Variants in LRRN3 observed in about 807,000 individuals in gnomAD.
LRRN3 encodes leucine-rich repeat neuronal protein 3.
In LRRN3, 15 loss-of-function variants were observed where a neutral mutation model predicts 40.1. The ratio of observed to expected loss-of-function variants is 0.37; its 90% CI spans 0.25 to 0.58. The LOEUF is 0.58. Ranked by LOEUF, LRRN3 falls within the 20% of genes least tolerant of loss-of-function variation. The probability of loss-of-function intolerance (pLI) is 0.72; values close to 1 mark genes in which losing one functional copy is unlikely to be tolerated. For synonymous variants in LRRN3, 308 were observed against 297.2 expected (o/e 1.04, Z -0.37); for missense variants, 746 against 837.7 (o/e 0.89, Z 1.35).
intron 2 of LRRN3, among the ~76,000 whole-genome samples, chr7:111,111,586 A>C (rs1027913248): frequency 6.6e-6 from 1 of 152,106 alleles, no homozygotes; most frequent in African/African-American, 2.4e-5. Context: ...TAGTAGTCAA[A>C]TATTATAAAC....
At chr7:111,099,230 CATT>C (rs2129579593) in intron 1 of LRRN3, among the ~76,000 whole-genome samples, 1 of 151,770 alleles carries the variant, frequency 6.6e-6, no homozygotes, top group East Asian at 1.9e-4. Context: ...TCTCAAATTT[CATT>C]ATTTATAATA....
Position 111,124,740 on chromosome 7 carries a change from T to C in LRRN3, c.1968T>C (p.Asp656=), listed in dbSNP as rs745621269. The change falls in exon 3 of 3, where the codon GAT becomes GAC. Residue 656 remains aspartate (D), a synonymous_variant. Coordinates refer to ENST00000308478, the MANE Select transcript of LRRN3 (RefSeq NM_001099658.2). ...GCCTCTCTCCAGAAATGAACTGTGA[T>C]GGTGGACACAGCTATGTGAGGAATT... ...ISCLSPEMNC[D]GGHSYVRNYL... is the part of the protein sequence containing the mutation. 1.9e-6 allele frequency: 3 copies of C among 1,613,952 alleles called. No individual in the cohort carries two copies. Among genetic ancestry groups the C allele is most frequent in the South Asian group, 1.1e-5 (1 of 91,080 alleles).
chr7:111,099,274 GAC>G (rs2129579611), intron 1 of LRRN3, among the ~76,000 whole-genome samples: 1 of 151,666 alleles, frequency 6.6e-6, no homozygotes, highest in South Asian at 2.1e-4. Context: ...CCAAATTTTA[GAC>G]ACTTTTTTCC....
chr7:111,123,454 C>A lies in LRRN3; in HGVS notation c.682C>A (p.Pro228Thr), dbSNP rs145004274. 6.2e-6 allele frequency: 10 copies of A among 1,613,316 alleles called. No individual in the cohort carries two copies. In the African/African-American group the frequency reaches 1.3e-4, roughly 22 times the overall value. Reference protein sequence around the residue: ...VIAGINLTEIPDNALVGLENL... With the variant: ...VIAGINLTEITDNALVGLENL... Reference sequence around the variant, plus strand: ...AGCTGGTATAAACCTCACAGAAATACCAGATAACGCCTTGGTTGGACTGGA... The same window carrying A: ...AGCTGGTATAAACCTCACAGAAATAACAGATAACGCCTTGGTTGGACTGGA... The change falls in exon 3 of 3, where the codon CCA becomes ACA. Residue 228 changes from proline (P) to threonine (T), a missense_variant. By Grantham distance (38) the Pro-to-Thr change is conservative (BLOSUM62 -1). Transcript: ENST00000308478. The surrounding 1 kb of genome is among the most constrained non-coding windows in gnomAD (Gnocchi z 6.4).
In LRRN3 at chr7:111,124,794, T is replaced by A. The variant is rs1281650117; in HGVS notation, c.2022T>A (p.Gly674=). ...NYLQKPTFAL[G]ELYPPLINLW... is the part of the protein sequence containing the mutation. ...TACAGAAACCAACCTTTGCATTAGG[T>A]GAGCTTTATCCTCCTCTGATAAATC... The change falls in exon 3 of 3, where the codon GGT becomes GGA. Residue 674 remains glycine, a synonymous_variant. Coordinates refer to ENST00000308478, the MANE Select transcript of LRRN3 (RefSeq NM_001099658.2). 1 of 1,613,490 alleles carries A rather than the reference T, an allele frequency of 6.2e-7. No homozygotes were observed. Among genetic ancestry groups the A allele is most frequent in the Non-Finnish European group, 8.5e-7 (1 of 1,179,848 alleles).
At chr7:111,091,827 A>G (rs1468276778) in intron 1 of LRRN3, among the ~76,000 whole-genome samples, 1 of 151,938 alleles carries the variant, frequency 6.6e-6, no homozygotes, top group East Asian at 1.9e-4. Context: ...GTGGGGGAGA[A>G]GAGAGGAGGA....
chr7:111,111,945 T>G (rs1434040633), intron 2 of LRRN3, among the ~76,000 whole-genome samples: 55 of 123,266 alleles, frequency 4.5e-4, no homozygotes, highest in African/African-American at 1.7e-3. Flanking sequence ...ATAGTTTGTT[T>G]TTTTTTTTTT....
At chr7:111,114,133 T>TAC (rs71151831) in intron 2 of LRRN3, among the ~76,000 whole-genome samples, 9,068 of 146,616 alleles carry the variant, frequency 0.062, 538 homozygotes, top group East Asian at 0.25. Flanking sequence ...CACATAAATC[T>TAC]ACACACACAC....
intron 2 of LRRN3, among the ~76,000 whole-genome samples, chr7:111,115,751 AC>A (rs1483811196): frequency 2.0e-5 from 3 of 152,050 alleles, no homozygotes; most frequent in African/African-American, 7.2e-5. Context: ...CACTGCAGCC[AC>A]CGCCTCCCAG....
intron 2 of LRRN3, among the ~76,000 whole-genome samples, chr7:111,116,762 G>A (rs1004920075): frequency 5.9e-5 from 9 of 152,062 alleles, no homozygotes; most frequent in African/African-American, 2.2e-4. Context: ...TATTATCAAA[G>A]GAAGAGAAAC....
At chr7:111,118,705 A>C (rs756757442) in intron 2 of LRRN3, among the ~76,000 whole-genome samples, 1 of 152,168 alleles carries the variant, frequency 6.6e-6, no homozygotes, top group Non-Finnish European at 1.5e-5. Flanking sequence ...CAAATAGCCC[A>C]TACTAAATAG....
intron 2 of LRRN3, among the ~76,000 whole-genome samples, chr7:111,121,178 C>G (rs1162400453): frequency 6.6e-6 from 1 of 152,152 alleles, no homozygotes; most frequent in African/African-American, 2.4e-5. Flanking sequence ...AAGGACATAT[C>G]CTTCGCCCAC....
chr7:111,108,454 C>T (rs1563250818), intron 2 of LRRN3, among the ~76,000 whole-genome samples: 2 of 152,046 alleles, frequency 1.3e-5, no homozygotes, highest in East Asian at 1.9e-4. Context: ...CCCCACTACA[C>T]TGTGCTATTA....
intron 2 of LRRN3, among the ~76,000 whole-genome samples, chr7:111,112,509 A>G (rs1475130756): frequency 6.6e-6 from 1 of 152,202 alleles, no homozygotes; most frequent in African/African-American, 2.4e-5. Context: ...ACAGCCATAA[A>G]TATGGCCTCC....
chr7:111,106,392 A>G (rs1207916398), intron 2 of LRRN3, among the ~76,000 whole-genome samples: 1 of 151,970 alleles, frequency 6.6e-6, no homozygotes, highest in Non-Finnish European at 1.5e-5. Context: ...CAGCCCTTGA[A>G]ATAATAGAAA....
intron 2 of LRRN3, 106 bp from the exon 3 acceptor site, chr7:111,122,309 T>C (rs1800745823): frequency 6.5e-6 from 1 of 152,786 alleles, no homozygotes; most frequent in Non-Finnish European, 1.5e-5. Context: ...ATATAATTTA[T>C]ACATGAAATA....
chr7:111,105,091 T>C (rs1798395959), intron 2 of LRRN3, among the ~76,000 whole-genome samples: 1 of 151,774 alleles, frequency 6.6e-6, no homozygotes, highest in South Asian at 2.1e-4. Context: ...TTACTAAAGG[T>C]CTCATTGAGA....
intron 2 of LRRN3, among the ~76,000 whole-genome samples, chr7:111,106,610 G>A (rs979725558): frequency 6.6e-6 from 1 of 150,594 alleles, no homozygotes; most frequent in Non-Finnish European, 1.5e-5. Context: ...GCAAGAGTTG[G>A]TGAAGTATGG....
At chr7:111,106,236 C>G (rs930954785) in intron 2 of LRRN3, among the ~76,000 whole-genome samples, 4 of 151,844 alleles carry the variant, frequency 2.6e-5, no homozygotes, top group African/African-American at 9.7e-5. Context: ...AAGCAAAGTA[C>G]CTGGAACACT....
Sources: allele counts gnomAD v4.1 joint callset (sites outside exome capture counted in the v4.1 genomes callset), GRCh38; gene constraint gnomAD v4.1.1; non-coding constraint Gnocchi (gnomAD v3.1); transcripts MANE v1.5; gene names NCBI Gene and HGNC (gene_info 2026-07-23, HGNC 2026-07-21).